Variants in PDSS2 observed in about 807,000 individuals in gnomAD.
The protein encoded by PDSS2 is all trans-polyprenyl-diphosphate synthase PDSS2.
PDSS2 carries 31 observed loss-of-function variants against 44.5 expected under a neutral mutation model. That is an observed-to-expected ratio of 0.70 (90% CI 0.52 to 0.94). The LOEUF is 0.94. Ranked by LOEUF, PDSS2 falls within the 40% of genes least tolerant of loss-of-function variation. The pLI is 0.00. For missense variants in PDSS2, 452 were observed against 482.2 expected, an observed-to-expected ratio of 0.94 and a Z score of 0.59; for synonymous variants, 157 against 180.3, an observed-to-expected ratio of 0.87 and a Z score of 1.03.
intron 4 of PDSS2, among the ~76,000 whole-genome samples, chr6:107,225,159 ATATTTTTT>A (rs1280024383): frequency 4.3e-5 from 2 of 46,604 alleles, no homozygotes; most frequent in East Asian, 1.1e-3. Flanking sequence ...ATATATATAT[ATATTTTTT>A]TTTTTTTTTT....
chr6:107,174,615 T>C (rs991567748), intron 7 of PDSS2, among the ~76,000 whole-genome samples: 5 of 152,206 alleles, frequency 3.3e-5, no homozygotes, highest in African/African-American at 1.2e-4. Flanking sequence ...AGTTTTCTAA[T>C]ACAATAAACT....
intron 1 of PDSS2, among the ~76,000 whole-genome samples, chr6:107,452,817 T>A (rs1257822339): frequency 6.6e-6 from 1 of 151,330 alleles, no homozygotes; most frequent in Non-Finnish European, 1.5e-5. Context: ...CAGGTGCACA[T>A]CACCACGCCC....
intron 2 of PDSS2, among the ~76,000 whole-genome samples, chr6:107,313,460 C>G (rs1406233427): frequency 1.3e-5 from 2 of 152,152 alleles, no homozygotes; most frequent in African/African-American, 4.8e-5. Context: ...TCAAGCAATT[C>G]TCCTGCCTCA....
chr6:107,230,391 T>G (rs1035957390), intron 4 of PDSS2, among the ~76,000 whole-genome samples: 1 of 152,002 alleles, frequency 6.6e-6, no homozygotes, highest in African/African-American at 2.4e-5. Flanking sequence ...AAGCCTCCAG[T>G]TAAACTCTTC....
intron 1 of PDSS2, among the ~76,000 whole-genome samples, chr6:107,335,916 A>G (rs1777872095): frequency 6.6e-6 from 1 of 151,074 alleles, no homozygotes; most frequent in Non-Finnish European, 1.5e-5. Flanking sequence ...ACAAAGAATC[A>G]ATTTAAGTTA....
intron 7 of PDSS2, among the ~76,000 whole-genome samples, chr6:107,174,700 G>GA (rs1246691083): frequency 6.6e-6 from 1 of 151,612 alleles, no homozygotes; most frequent in Non-Finnish European, 1.5e-5. Flanking sequence ...GAGTCTATAG[G>GA]AAAAAAAATT....
intron 1 of PDSS2, among the ~76,000 whole-genome samples, chr6:107,405,330 C>T (rs1426414808): frequency 6.6e-6 from 1 of 151,744 alleles, no homozygotes; most frequent in East Asian, 1.9e-4. Context: ...ATCATAAAAA[C>T]ACGTGTAAGT....
In PDSS2 at chr6:107,402,076, C is replaced by T. The variant is rs181361855; in HGVS notation, c.296+56914G>A. Among the ~76,000 whole-genome samples, 66 of 152,100 alleles carry T rather than the reference C, an allele frequency of 4.3e-4. No homozygotes were observed. The East Asian group carries it at 0.011, about 25-fold the overall frequency. On this transcript the variant is annotated intron_variant, in intron 1 of 7. Transcript: ENST00000369037. ...GGCAGACTTCCTGAGGTCAGGAGTT[C>T]GAGACCAGTCTGGTCAACATGATGA...
chr6:107,349,432 C>CA (rs55731461), intron 1 of PDSS2, among the ~76,000 whole-genome samples: 4,207 of 141,248 alleles, frequency 0.03, 214 homozygotes, highest in African/African-American at 0.1. Flanking sequence ...GACTCCATCT[C>CA]AAAAAAAAAA....
intron 4 of PDSS2, among the ~76,000 whole-genome samples, chr6:107,223,784 A>G (rs1773696407): frequency 1.4e-5 from 2 of 141,396 alleles, no homozygotes; most frequent in Non-Finnish European, 3.1e-5. Flanking sequence ...CACCAAGAGC[A>G]TTTAAACTTG....
At chr6:107,372,001 C>T (rs1562494617) in intron 1 of PDSS2, among the ~76,000 whole-genome samples, 1 of 152,104 alleles carries the variant, frequency 6.6e-6, no homozygotes, top group East Asian at 1.9e-4. Context: ...AAAATTCAAA[C>T]CAAGAAACTA....
chr6:107,201,390 C>CAAAAAAAAAAAAAA lies in PDSS2; in HGVS notation c.1009-7550_1009-7537dup, dbSNP rs747612959. ...TGTAAAACAATATTCCATACAAAAG[C>CAAAAAAAAAAAAAA]AAAAAAAAAAAAAAAAAAAAAAAAG... On this transcript the variant is annotated intron_variant, in intron 6 of 7. Coordinates refer to ENST00000369037, the MANE Select transcript of PDSS2 (RefSeq NM_020381.4). Among the ~76,000 whole-genome samples the CAAAAAAAAAAAAAA allele has an allele frequency of 1.8e-3, 94 of 52,138 alleles. 5 individuals are homozygous for CAAAAAAAAAAAAAA. Among genetic ancestry groups the CAAAAAAAAAAAAAA allele is most frequent in the African/African-American group, 3.5e-3 (36 of 10,252 alleles). 34.2% of individuals were successfully genotyped at this position (52,138 alleles called of 152,430 possible). A position where few individuals can be genotyped will look rare whatever the true frequency, so the allele number is the denominator to read the frequency against.
At chr6:107,373,827 C>T (rs375994460) in intron 1 of PDSS2, among the ~76,000 whole-genome samples, 1 of 152,172 alleles carries the variant, frequency 6.6e-6, no homozygotes. Context: ...TGAAGTACAA[C>T]AGAGGTTCTA....
At chr6:107,278,311 C>T (rs905007022) in intron 2 of PDSS2, among the ~76,000 whole-genome samples, 1 of 152,020 alleles carries the variant, frequency 6.6e-6, no homozygotes. Flanking sequence ...AAGAAAATCA[C>T]TAAGAATGGA....
intron 1 of PDSS2, among the ~76,000 whole-genome samples, chr6:107,417,247 G>A (rs1583058517): frequency 6.6e-6 from 1 of 151,990 alleles, no homozygotes; most frequent in Non-Finnish European, 1.5e-5. Context: ...ATTACATGTA[G>A]CTCAGGGTAA....
At chr6:107,310,009 G>C (rs1776982754) in intron 2 of PDSS2, among the ~76,000 whole-genome samples, 1 of 152,082 alleles carries the variant, frequency 6.6e-6, no homozygotes, top group Admixed American at 6.6e-5. Flanking sequence ...ATTCAGGCTG[G>C]GTGTGGTGGT....
rs549907040 is a variant in PDSS2 at position 107,203,308 on chromosome 6, C to T, written c.1008+7131G>A. 1.1e-4 allele frequency among the ~76,000 whole-genome samples: 17 copies of T among 152,304 alleles called. No homozygotes were observed. The South Asian group carries it at 3.5e-3, about 32-fold the overall frequency. On this transcript the variant is annotated intron_variant, in intron 6 of 7. Coordinates refer to ENST00000369037, the MANE Select transcript of PDSS2 (RefSeq NM_020381.4). ...CCTCTGAGTGCCACTCCCCAGTCCACACCTGTCAGCCTCTCCCTATCAGAT... is the reference window on the plus strand; with the variant it reads ...CCTCTGAGTGCCACTCCCCAGTCCATACCTGTCAGCCTCTCCCTATCAGAT...
At chr6:107,388,065 G>A (rs927338579) in intron 1 of PDSS2, among the ~76,000 whole-genome samples, 1 of 151,916 alleles carries the variant, frequency 6.6e-6, no homozygotes, top group African/African-American at 2.4e-5. Flanking sequence ...CATGCTAATG[G>A]GGAAAACCCT....
intron 3 of PDSS2, among the ~76,000 whole-genome samples, chr6:107,273,467 AC>A (rs1037099308): frequency 1.7e-4 from 26 of 152,304 alleles, no homozygotes; most frequent in Admixed American, 1.6e-3. Flanking sequence ...ATAAGAAGCA[AC>A]CTAAATGTCC....
Sources: allele counts gnomAD v4.1 joint callset (sites outside exome capture counted in the v4.1 genomes callset), GRCh38; gene constraint gnomAD v4.1.1; transcripts MANE v1.5; gene names NCBI Gene and HGNC (gene_info 2026-07-23, HGNC 2026-07-21).